Variants in MSRA observed in about 807,000 individuals in gnomAD.
MSRA encodes the protein mitochondrial peptide methionine sulfoxide reductase.
In MSRA, 54 loss-of-function variants were observed where a neutral mutation model predicts 31.3. That is an observed-to-expected ratio of 1.73 (90% CI 1.39 to 2.17). MSRA has a LOEUF of 2.17. MSRA is among the 30% of genes most tolerant of loss of function. The probability of loss-of-function intolerance (pLI) is 0.00; values close to 1 mark genes in which losing one functional copy is unlikely to be tolerated. For synonymous variants in MSRA, 169 were observed against 116.5 expected, an observed-to-expected ratio of 1.45 and a Z score of -2.90; for missense variants, 507 against 300.9, an observed-to-expected ratio of 1.69 and a Z score of -5.07.
chr8:10,422,944 C>T (rs78349318), intron 5 of MSRA, among the ~76,000 whole-genome samples: 61 of 152,230 alleles, frequency 4.0e-4, no homozygotes, highest in Non-Finnish European at 6.5e-4. Flanking sequence ...TGAGCACAGT[C>T]CCCTGAGGGC....
intron 5 of MSRA, among the ~76,000 whole-genome samples, chr8:10,375,032 A>G (rs58730765): frequency 0.017 from 2,649 of 152,320 alleles, 65 homozygotes; most frequent in African/African-American, 0.059. Context: ...AGGCATCACC[A>G]GAAGCCAAAC....
Position 10,120,706 on chromosome 8 carries a change from G to A in MSRA, c.142+66048G>A, listed in dbSNP as rs1009976214. The stretch of plus-strand genomic sequence containing the variant: ...TGTAAACAAATCGTATAATTAAAGC[G>A]AAGCCTGGTGAATCTAATGGAAGCT... On this transcript the variant is annotated intron_variant, in intron 1 of 5. Transcript: ENST00000317173. Among the ~76,000 whole-genome samples, 12 of 152,156 alleles carry A rather than the reference G, an allele frequency of 7.9e-5. 1 individual carries two copies. Among genetic ancestry groups the A allele is most frequent in the South Asian group, 4.1e-4 (2 of 4,828 alleles).
At chr8:10,100,103 G>C (rs1799434263) in intron 1 of MSRA, among the ~76,000 whole-genome samples, 1 of 152,194 alleles carries the variant, frequency 6.6e-6, no homozygotes, top group African/African-American at 2.4e-5. Context: ...GAGGGAGCAA[G>C]GGTGAATGTG....
chr8:10,291,537 G>A (rs910370894), intron 3 of MSRA, among the ~76,000 whole-genome samples: 10 of 152,028 alleles, frequency 6.6e-5, no homozygotes. Context: ...TACATTGTTG[G>A]AAATCACATT....
intron 1 of MSRA, among the ~76,000 whole-genome samples, chr8:10,096,981 G>C (rs548122958): frequency 1.3e-5 from 2 of 152,324 alleles, no homozygotes; most frequent in East Asian, 3.9e-4. Context: ...ATTTTGGGCA[G>C]TATAAAAGAC....
At chr8:10,084,837 C>T (rs567456991) in intron 1 of MSRA, among the ~76,000 whole-genome samples, 2 of 152,118 alleles carry the variant, frequency 1.3e-5, no homozygotes, top group African/African-American at 4.8e-5. Context: ...TCAGTACTTG[C>T]TATCGTCTTT....
At chr8:10,075,994 C>G (rs1563403220) in intron 1 of MSRA, among the ~76,000 whole-genome samples, 1 of 152,196 alleles carries the variant, frequency 6.6e-6, no homozygotes, top group East Asian at 1.9e-4. Flanking sequence ...TAGGCACATT[C>G]AGAAATGTGT....
intron 1 of MSRA, among the ~76,000 whole-genome samples, chr8:10,193,380 T>C (rs949249185): frequency 1.3e-5 from 2 of 152,224 alleles, no homozygotes; most frequent in South Asian, 2.1e-4. Context: ...CTGTCTCCCC[T>C]GTGTTTGATA....
chr8:10,180,008 G>A lies in MSRA; in HGVS notation c.143-27825G>A, dbSNP rs186444362. ...CCAGTTCTCTGCAGACACCAACTGG[G>A]TGTCTAATAATTCAATTCAATTCTG... On this transcript the variant is annotated intron_variant, in intron 1 of 5. Transcript: ENST00000317173. 2.6e-5 allele frequency among the ~76,000 whole-genome samples: 4 copies of A among 152,252 alleles called. No individual in the cohort carries two copies. The East Asian group carries it at 5.8e-4, about 22-fold the overall frequency.
intron 3 of MSRA, among the ~76,000 whole-genome samples, chr8:10,295,815 A>G (rs550328658): frequency 2.6e-5 from 4 of 152,186 alleles, no homozygotes; most frequent in Non-Finnish European, 4.4e-5. Flanking sequence ...CCCAGGTCTC[A>G]TGGACTCTGG....
At chr8:10,063,742 G>C (rs1284083874) in intron 1 of MSRA, among the ~76,000 whole-genome samples, 5 of 152,212 alleles carry the variant, frequency 3.3e-5, no homozygotes, top group Non-Finnish European at 7.3e-5. Flanking sequence ...GCTCTCACCA[G>C]ACACTGAACC....
intron 1 of MSRA, among the ~76,000 whole-genome samples, chr8:10,083,523 A>G (rs948701022): frequency 6.6e-6 from 1 of 152,242 alleles, no homozygotes; most frequent in Admixed American, 6.5e-5. Context: ...GGGAAATAAG[A>G]AATCACATTT....
Position 10,428,606 on chromosome 8 carries a change from G to T in MSRA, c.*294G>T. The T allele has an allele frequency of 5.5e-6, 2 of 362,470 alleles. No individual in the cohort carries two copies. Among genetic ancestry groups the T allele is most frequent in the Non-Finnish European group, 1.0e-5 (2 of 199,274 alleles). 22.5% of individuals were successfully genotyped at this position (362,470 alleles called of 1,614,324 possible). Reference sequence around the variant, plus strand: ...TTCACCCTTCTTGGTAGAAGCTAAGGTGTGAGCTGGGAGGTTGCTGGACAG... The same window carrying T: ...TTCACCCTTCTTGGTAGAAGCTAAGTTGTGAGCTGGGAGGTTGCTGGACAG... On this transcript the variant is annotated 3_prime_UTR_variant, in exon 6 of 6. Transcript: ENST00000317173.
chr8:10,058,334 A>G (rs987870273), intron 1 of MSRA, among the ~76,000 whole-genome samples: 1 of 152,236 alleles, frequency 6.6e-6, no homozygotes, highest in African/African-American at 2.4e-5. Flanking sequence ...TATACAAAAT[A>G]AGTCCTGAGA....
intron 5 of MSRA, among the ~76,000 whole-genome samples, chr8:10,379,342 C>G (rs1401523713): frequency 6.6e-6 from 1 of 152,184 alleles, no homozygotes; most frequent in Non-Finnish European, 1.5e-5. Flanking sequence ...AGAACAGATA[C>G]AGAATCTGCA....
At chr8:10,186,971 C>G (rs1193976333) in intron 1 of MSRA, among the ~76,000 whole-genome samples, 1 of 152,118 alleles carries the variant, frequency 6.6e-6, no homozygotes, top group Admixed American at 6.5e-5. Context: ...TAAATTCATG[C>G]TTTTTAGTGT....
chr8:10,131,310 T>A (rs1041515672), intron 1 of MSRA, among the ~76,000 whole-genome samples: 10 of 152,168 alleles, frequency 6.6e-5, no homozygotes, highest in Non-Finnish European at 1.3e-4. Context: ...ACAGAAGAAA[T>A]TACTTCTAGC....
At chr8:10,123,100 A>T (rs892172420) in intron 1 of MSRA, among the ~76,000 whole-genome samples, 1 of 152,246 alleles carries the variant, frequency 6.6e-6, no homozygotes, top group Non-Finnish European at 1.5e-5. Flanking sequence ...TCTTCGAGGA[A>T]TTGCCACACT....
At chr8:10,164,721 C>T (rs28472989) in intron 1 of MSRA, among the ~76,000 whole-genome samples, 3,336 of 152,200 alleles carry the variant, frequency 0.022, 122 homozygotes, top group African/African-American at 0.076. Context: ...AGAATAGTCA[C>T]CCTCAACCCT....
Sources: gnomAD v4.1 joint callset for allele counts (sites outside exome capture counted in the v4.1 genomes callset) on GRCh38, gnomAD v4.1.1 for gene constraint, MANE v1.5 for transcripts, NCBI Gene and HGNC (gene_info 2026-07-23, HGNC 2026-07-21) for gene names.